Variants in RGSL1 observed in about 807,000 individuals in gnomAD.
RGSL1 encodes the protein regulator of G protein signaling like 1.
A neutral mutation model predicts 124.7 loss-of-function variants in RGSL1; 97 were observed. The observed-to-expected ratio is 0.78, with a 90% CI of 0.66 to 0.92. The LOEUF is 0.92. RGSL1 is among the 40% of genes least tolerant of loss of function. RGSL1 has a pLI of 0.00. For missense variants in RGSL1, 1,233 were observed against 1,288.4 expected, an observed-to-expected ratio of 0.96 and a Z score of 0.66; for synonymous variants, 424 against 438.1, an observed-to-expected ratio of 0.97 and a Z score of 0.40.
chr1:182,456,577 C>A (rs201217570), intron 2 of RGSL1, among the ~76,000 whole-genome samples: 1 of 152,084 alleles, frequency 6.6e-6, no homozygotes, highest in East Asian at 1.9e-4. Context: ...GGATTACAGG[C>A]GTAAGCCTCC....
intron 15 of RGSL1, among the ~76,000 whole-genome samples, chr1:182,541,082 C>G (rs1025278778): frequency 6.6e-6 from 1 of 152,086 alleles, no homozygotes; most frequent in Admixed American, 6.5e-5. Context: ...CTTATTTTTT[C>G]TTTATGCTAG....
chr1:182,520,050 G>T (rs1277494589), intron 9 of RGSL1, among the ~76,000 whole-genome samples: 2 of 152,020 alleles, frequency 1.3e-5, no homozygotes. Context: ...GGTTTTTGGT[G>T]AAGTCTTTTA....
chr1:182,536,561 A>G (rs1316606349), intron 14 of RGSL1, among the ~76,000 whole-genome samples: 5 of 152,192 alleles, frequency 3.3e-5, no homozygotes, highest in African/African-American at 4.8e-5. Flanking sequence ...GATGTTGAGT[A>G]TGTGTTCATG....
intron 8 of RGSL1, among the ~76,000 whole-genome samples, chr1:182,489,500 C>G (rs750137608): frequency 6.6e-6 from 1 of 152,140 alleles, no homozygotes; most frequent in Non-Finnish European, 1.5e-5. Flanking sequence ...TCTGGCCCAC[C>G]AAAGCATCAC....
At chr1:182,551,703 G>A (rs1171428613) in intron 18 of RGSL1, among the ~76,000 whole-genome samples, 1 of 151,410 alleles carries the variant, frequency 6.6e-6, no homozygotes, top group Non-Finnish European at 1.5e-5. Flanking sequence ...ATTTACTTAT[G>A]TAAAAATTCG....
intron 4 of RGSL1, among the ~76,000 whole-genome samples, chr1:182,470,956 T>C (rs145851007): frequency 6.6e-6 from 1 of 152,162 alleles, no homozygotes; most frequent in East Asian, 1.9e-4. Context: ...CCCCCTTCAA[T>C]ATATATGTAG....
At chr1:182,509,989 A>T (rs1657272218) in intron 9 of RGSL1, among the ~76,000 whole-genome samples, 1 of 101,862 alleles carries the variant, frequency 9.8e-6, no homozygotes. Flanking sequence ...GACGCTCCTC[A>T]CCTCCCAGAC....
chr1:182,459,034 C>A (rs1431736013), intron 3 of RGSL1, among the ~76,000 whole-genome samples: 1 of 152,166 alleles, frequency 6.6e-6, no homozygotes, highest in African/African-American at 2.4e-5. Context: ...CTGAGAAGAA[C>A]TTTAAGGGCA....
intron 10 of RGSL1, among the ~76,000 whole-genome samples, chr1:182,522,783 C>T (rs1001561998): frequency 3.9e-5 from 6 of 152,076 alleles, no homozygotes; most frequent in East Asian, 1.9e-4. Flanking sequence ...TACTTTTTAC[C>T]GGTCTTTACT....
chr1:182,485,509 C>T (rs1045545043), intron 6 of RGSL1, among the ~76,000 whole-genome samples: 2 of 152,180 alleles, frequency 1.3e-5, no homozygotes, highest in African/African-American at 4.8e-5. Context: ...GCCTCAAAGA[C>T]ACTCTATATG....
chr1:182,529,778 C>T lies in RGSL1; in HGVS notation c.2126-466C>T, dbSNP rs112436545. Among the ~76,000 whole-genome samples, 758 of 152,242 alleles carry T rather than the reference C, an allele frequency of 5.0e-3. 7 individuals are homozygous for T. Among genetic ancestry groups the T allele is most frequent in the Admixed American group, 7.8e-3 (119 of 15,292 alleles). On this transcript the variant is annotated intron_variant, in intron 11 of 21. Transcript: ENST00000294854. ...GAATGAGCTAGAAGAGGAAGAGTGT[C>T]CAGATCCTATCTTTGATTATTTTCA... is the stretch of plus-strand genomic sequence containing the variant.
chr1:182,519,253 T>A (rs1316964605), intron 9 of RGSL1, among the ~76,000 whole-genome samples: 5 of 3,482 alleles, frequency 1.4e-3, no homozygotes, highest in Non-Finnish European at 5.6e-3. Context: ...CATCTGGAAA[T>A]TTTTTTTATG....
Position 182,491,115 on chromosome 1 carries a change from TGG to T in RGSL1, c.1718-1905_1718-1904del, listed in dbSNP as rs532549853. On this transcript the variant is annotated intron_variant, in intron 8 of 21. Transcript: ENST00000294854. ...GTTGCCCAGGCTAGGCTTGAACTCC[TGG>T]GCTGAAGCCATCCTCCTGTCTTGGC... Among the ~76,000 whole-genome samples, 3 of 151,876 alleles carry T rather than the reference TGG, an allele frequency of 2.0e-5. 1 individual carries two copies. The highest frequency in any genetic ancestry group is 2.0e-4 in the Admixed American group (3 of 15,248).
rs2101978595 is a variant in RGSL1, at chr1:182,454,027, T to G, written c.83T>G (p.Phe28Cys). ...GTCTTTGCCGATTTTTTCAACACAT[T>G]TCTTTCCCTCCCGGTAAGCATTCTC... is the stretch of plus-strand genomic sequence containing the variant. Reference protein sequence around the residue: ...DEVFADFFNTFLSLPVFGQTP... With the variant: ...DEVFADFFNTCLSLPVFGQTP... The change falls in exon 2 of 22, where the codon TTT (phenylalanine) becomes TGT (cysteine). Residue 28 changes from phenylalanine (F) to cysteine (C), a missense_variant. Phe to Cys is a radical substitution (Grantham distance 205). Transcript: ENST00000294854. 1 of 1,524,206 alleles carries G rather than the reference T, an allele frequency of 6.6e-7. No homozygotes were observed. The highest frequency in any genetic ancestry group is 2.5e-5 in the East Asian group (1 of 40,764). The allele number at this position is 1,524,206 out of a possible 1,614,324, so 94.4% of individuals were successfully genotyped here.
At chr1:182,534,244 C>G (rs1659387530) in intron 14 of RGSL1, among the ~76,000 whole-genome samples, 1 of 152,182 alleles carries the variant, frequency 6.6e-6, no homozygotes, top group South Asian at 2.1e-4. Flanking sequence ...AAACTCTTGC[C>G]AACCATATAA....
chr1:182,537,672 G>A (rs1485659503), intron 14 of RGSL1, among the ~76,000 whole-genome samples: 4 of 152,062 alleles, frequency 2.6e-5, no homozygotes, highest in Non-Finnish European at 5.9e-5. Context: ...CTCCACTACT[G>A]AGGTAAAACC....
chr1:182,450,222 A>G, intron 1 of RGSL1, 44 bp downstream of exon 1: 2 of 1,550,626 alleles, frequency 1.3e-6, no homozygotes, highest in Non-Finnish European at 1.7e-6. Context: ...GAGTCTCTCA[A>G]ATAAGGCAAA....
At chr1:182,459,677 A>G (rs879866654) in intron 3 of RGSL1, among the ~76,000 whole-genome samples, 26 of 152,318 alleles carry the variant, frequency 1.7e-4, no homozygotes, top group Admixed American at 1.1e-3. Context: ...ACAGACCCAA[A>G]TCTTTTCTGC....
At chr1:182,454,478 T>A (rs533217254) in intron 2 of RGSL1, among the ~76,000 whole-genome samples, 48 of 152,322 alleles carry the variant, frequency 3.2e-4, no homozygotes, top group African/African-American at 1.1e-3. Flanking sequence ...AATCTCTGCT[T>A]AAATTCCATT....
Sources: allele counts gnomAD v4.1 joint callset (sites outside exome capture counted in the v4.1 genomes callset), GRCh38; gene constraint gnomAD v4.1.1; transcripts MANE v1.5; gene names NCBI Gene and HGNC (gene_info 2026-07-23, HGNC 2026-07-21).